CHRM3: variants seen among roughly 807,000 people sequenced by gnomAD.
The protein encoded by CHRM3 is muscarinic acetylcholine receptor M3.
A neutral mutation model predicts 41.8 loss-of-function variants in CHRM3; 11 were observed. That is an observed-to-expected ratio of 0.26 (90% CI 0.17 to 0.44). The LOEUF (loss-of-function observed/expected upper bound fraction) is 0.44, where lower values mean the gene tolerates loss of function less well. CHRM3 is among the 20% of genes least tolerant of loss of function. CHRM3 has a pLI of 1.00. For synonymous variants in CHRM3, 297 were observed against 301.4 expected, an observed-to-expected ratio of 0.99 and a Z score of 0.15; for missense variants, 571 against 745.4, an observed-to-expected ratio of 0.77 and a Z score of 2.72.
chr1:239,566,015 A>C (rs1267421163), intron 3 of CHRM3, among the ~76,000 whole-genome samples: 1 of 150,848 alleles, frequency 6.6e-6, no homozygotes, highest in Admixed American at 6.6e-5. Context: ...TCTGGGCTCA[A>C]GTGGTCCTCC....
chr1:239,799,062 A>T (rs540181180), intron 5 of CHRM3, among the ~76,000 whole-genome samples: 4 of 152,340 alleles, frequency 2.6e-5, no homozygotes, highest in African/African-American at 9.6e-5. Context: ...AGTCCATTAA[A>T]GGAAACACAG....
At chr1:239,481,095 T>C (rs1373268268) in intron 1 of CHRM3, among the ~76,000 whole-genome samples, 1 of 152,172 alleles carries the variant, frequency 6.6e-6, no homozygotes, top group African/African-American at 2.4e-5. Context: ...AGCTGTTAAA[T>C]AGAATGGGGT....
At chr1:239,489,049 A>T (rs2148050527) in intron 1 of CHRM3, among the ~76,000 whole-genome samples, 1 of 152,344 alleles carries the variant, frequency 6.6e-6, no homozygotes, top group South Asian at 2.1e-4. Flanking sequence ...AAGGATTTTC[A>T]AACTTCTCCT....
At chr1:239,435,502 C>T (rs922914586) in intron 1 of CHRM3, among the ~76,000 whole-genome samples, 11 of 151,350 alleles carry the variant, frequency 7.3e-5, no homozygotes, top group East Asian at 1.9e-4. Flanking sequence ...TCACTACTGC[C>T]GGGGGATTTG....
At chr1:239,646,854 T>C (rs1288075388) in intron 4 of CHRM3, among the ~76,000 whole-genome samples, 1 of 152,108 alleles carries the variant, frequency 6.6e-6, no homozygotes, top group African/African-American at 2.4e-5. Flanking sequence ...GAAAATTAAC[T>C]GGGCAACAAT....
At chr1:239,500,910 A>G (rs145780901) in intron 2 of CHRM3, among the ~76,000 whole-genome samples, 150 of 152,316 alleles carry the variant, frequency 9.8e-4, no homozygotes, top group African/African-American at 3.5e-3. Flanking sequence ...ACTAACAGAA[A>G]CTTAAAGTAA....
chr1:239,404,454 GAAAGAAAGAAAGAA>G lies in CHRM3; in HGVS notation c.-521+17243_-521+17256del, dbSNP rs1436157899. 2.7e-3 allele frequency among the ~76,000 whole-genome samples: 363 copies of G among 136,948 alleles called. 3 individuals carry two copies. The highest frequency in any genetic ancestry group is 6.9e-3 in the African/African-American group (242 of 35,304). 89.8% of individuals were successfully genotyped at this position (136,948 alleles called of 152,430 possible). A position where few individuals can be genotyped will look rare whatever the true frequency, so the allele number is the denominator to read the frequency against. On this transcript the variant is annotated intron_variant, in intron 1 of 6. Coordinates refer to ENST00000676153, the MANE Select transcript of CHRM3 (RefSeq NM_001375978.1). ...AGAAAGAAAGAAAGAAAGAAAGAAA[GAAAGAAAGAAAGAA>G]AAAGAAAGAAAGAAAGGAACATTTA... is the stretch of plus-strand genomic sequence containing the variant.
chr1:239,877,287 A>G (rs1677184733), intron 6 of CHRM3, among the ~76,000 whole-genome samples: 1 of 152,142 alleles, frequency 6.6e-6, no homozygotes, highest in African/African-American at 2.4e-5. Flanking sequence ...CCACAGTTTT[A>G]TTTTTTAAAA....
intron 6 of CHRM3, among the ~76,000 whole-genome samples, chr1:239,852,891 G>A (rs978782725): frequency 6.6e-6 from 1 of 152,092 alleles, no homozygotes; most frequent in African/African-American, 2.4e-5. Context: ...ATTGACAGGT[G>A]TTACATGGTA....
chr1:239,887,304 C>T (rs1389725602), intron 6 of CHRM3, among the ~76,000 whole-genome samples: 1 of 152,002 alleles, frequency 6.6e-6, no homozygotes, highest in Admixed American at 6.6e-5. Context: ...TGGGTTCAAG[C>T]GATTCTCCTG....
intron 6 of CHRM3, among the ~76,000 whole-genome samples, chr1:239,869,774 G>C (rs1676420613): frequency 6.6e-6 from 1 of 152,186 alleles, no homozygotes; most frequent in Non-Finnish European, 1.5e-5. Flanking sequence ...GTAGGGAGAA[G>C]CTGCGTCTAA....
intron 3 of CHRM3, among the ~76,000 whole-genome samples, chr1:239,564,444 G>C (rs1032038498): frequency 1.3e-5 from 2 of 152,092 alleles, no homozygotes; most frequent in Non-Finnish European, 2.9e-5. Flanking sequence ...AATTACCTGC[G>C]TGAGGATTAT....
At chr1:239,687,581 A>G (rs1328556635) in intron 5 of CHRM3, among the ~76,000 whole-genome samples, 2 of 152,170 alleles carry the variant, frequency 1.3e-5, no homozygotes, top group African/African-American at 4.8e-5. Context: ...ACATGCCTTT[A>G]TTAATATAAA....
chr1:239,845,939 A>C (rs1674226627), intron 6 of CHRM3, among the ~76,000 whole-genome samples: 1 of 152,232 alleles, frequency 6.6e-6, no homozygotes, highest in African/African-American at 2.4e-5. Context: ...TGATTTTATA[A>C]AATAAAAGTT....
chr1:239,457,996 A>G (rs951773718), intron 1 of CHRM3, among the ~76,000 whole-genome samples: 3 of 152,096 alleles, frequency 2.0e-5, no homozygotes, highest in Non-Finnish European at 4.4e-5. Flanking sequence ...AGTCTCAGTT[A>G]TGCCGTACTT....
At chr1:239,398,714 T>C (rs1407385980) in intron 1 of CHRM3, among the ~76,000 whole-genome samples, 1 of 152,220 alleles carries the variant, frequency 6.6e-6, no homozygotes, top group African/African-American at 2.4e-5. Context: ...TTAAGGCATA[T>C]TTATTTCATT....
intron 1 of CHRM3, among the ~76,000 whole-genome samples, chr1:239,392,899 T>C (rs895454636): frequency 6.6e-6 from 1 of 152,190 alleles, no homozygotes; most frequent in Non-Finnish European, 1.5e-5. Flanking sequence ...TAACTATTAA[T>C]ACATACAGGC....
chr1:239,813,085 C>T (rs1239807733), intron 5 of CHRM3, among the ~76,000 whole-genome samples: 1 of 152,152 alleles, frequency 6.6e-6, no homozygotes, highest in Non-Finnish European at 1.5e-5. Flanking sequence ...TGAGACCAGC[C>T]TGGCCAATAC....
chr1:239,430,060 T>G (rs1326010119), intron 1 of CHRM3, among the ~76,000 whole-genome samples: 1 of 150,100 alleles, frequency 6.7e-6, no homozygotes, highest in Non-Finnish European at 1.5e-5. Context: ...CTCCACCTCC[T>G]GGGTTCAGGC....
Sources: allele counts gnomAD v4.1 joint callset (sites outside exome capture counted in the v4.1 genomes callset), GRCh38; gene constraint gnomAD v4.1.1; transcripts MANE v1.5; gene names NCBI Gene and HGNC (gene_info 2026-07-23, HGNC 2026-07-21).